PDE10A: variants seen among roughly 807,000 people sequenced by gnomAD.
The protein encoded by PDE10A is phosphodiesterase 10A, also known as cAMP and cAMP-inhibited cGMP 3',5'-cyclic phosphodiesterase 10A.
In PDE10A, 39 loss-of-function variants were observed where a neutral mutation model predicts 97.7. That is an observed-to-expected ratio of 0.40 (90% CI 0.31 to 0.52). The LOEUF is 0.52. PDE10A is among the 20% of genes least tolerant of loss of function. The pLI, the probability that PDE10A is intolerant of heterozygous loss-of-function variation, is 0.56. For synonymous variants in PDE10A, 371 were observed against 376.8 expected, an observed-to-expected ratio of 0.98 and a Z score of 0.18; for missense variants, 731 against 1,047.8, an observed-to-expected ratio of 0.70 and a Z score of 4.17.
chr6:165,560,665 C>G (rs1784475260), intron 1 of PDE10A, among the ~76,000 whole-genome samples: 1 of 152,226 alleles, frequency 6.6e-6, no homozygotes, highest in South Asian at 2.1e-4. Flanking sequence ...ATTTTCCAAA[C>G]TATGTCACCC....
At chr6:165,893,032 G>A (rs1414128555) in intron 1 of PDE10A, among the ~76,000 whole-genome samples, 1 of 152,166 alleles carries the variant, frequency 6.6e-6, no homozygotes. Context: ...TAGGATTTAA[G>A]CTTTTATGGG....
intron 1 of PDE10A, among the ~76,000 whole-genome samples, chr6:165,629,521 C>T (rs1034324410): frequency 9.9e-5 from 13 of 131,686 alleles, no homozygotes; most frequent in Admixed American, 2.4e-4. Flanking sequence ...TATTAACAAC[C>T]TTTTTTTTTT....
intron 2 of PDE10A, among the ~76,000 whole-genome samples, chr6:165,527,146 A>C (rs1412854350): frequency 2.6e-5 from 4 of 152,198 alleles, no homozygotes; most frequent in Non-Finnish European, 5.9e-5. Flanking sequence ...ATTCCCTCTA[A>C]GGTGAAGAAT....
chr6:165,582,871 C>T (rs1179200873), intron 1 of PDE10A, among the ~76,000 whole-genome samples: 1 of 152,026 alleles, frequency 6.6e-6, no homozygotes, highest in Admixed American at 6.5e-5. Context: ...TCATTCTCAC[C>T]AGATTTCTCC....
chr6:165,781,895 G>A (rs1778349970), intron 1 of PDE10A: 1 of 152,216 alleles, frequency 6.6e-6, no homozygotes, highest in South Asian at 2.1e-4. Context: ...AGCCCAGTGA[G>A]ACTTGTGTTG....
intron 5 of PDE10A, among the ~76,000 whole-genome samples, chr6:165,440,265 A>T (rs1790342437): frequency 6.6e-6 from 1 of 152,240 alleles, no homozygotes; most frequent in Admixed American, 6.5e-5. Context: ...TGAAGAAGGC[A>T]AACAATTACT....
chr6:165,715,634 G>A (rs760804344), intron 1 of PDE10A, among the ~76,000 whole-genome samples: 2 of 152,154 alleles, frequency 1.3e-5, no homozygotes, highest in Non-Finnish European at 2.9e-5. Context: ...GTGAACACAC[G>A]TGCGCACACA....
intron 1 of PDE10A, among the ~76,000 whole-genome samples, chr6:165,794,056 C>T (rs751396838): frequency 1.3e-5 from 2 of 152,080 alleles, no homozygotes; most frequent in Non-Finnish European, 2.9e-5. Flanking sequence ...AAAGTCGAGC[C>T]GTTTGACTGC....
chr6:165,521,038 T>G (rs1456448672), intron 2 of PDE10A, among the ~76,000 whole-genome samples: 1 of 152,156 alleles, frequency 6.6e-6, no homozygotes, highest in Non-Finnish European at 1.5e-5. Context: ...ATCAGCACCA[T>G]TTTTCCAACA....
chr6:165,459,444 C>T (rs1778160718), intron 3 of PDE10A, among the ~76,000 whole-genome samples: 1 of 151,574 alleles, frequency 6.6e-6, no homozygotes, highest in Admixed American at 6.6e-5. Flanking sequence ...ATTTAAAATC[C>T]AAGAGTTGAA....
chr6:165,926,425 C>T (rs868114943), intron 1 of PDE10A, among the ~76,000 whole-genome samples: 1 of 152,138 alleles, frequency 6.6e-6, no homozygotes, highest in South Asian at 2.1e-4. Flanking sequence ...TATTTGTGTC[C>T]ATGTCTAAAT....
intron 1 of PDE10A, among the ~76,000 whole-genome samples, chr6:165,901,908 A>G (rs1364879747): frequency 6.6e-6 from 1 of 152,182 alleles, no homozygotes; most frequent in Non-Finnish European, 1.5e-5. Flanking sequence ...AACAGACATT[A>G]GCTGATCTGA....
At chr6:165,440,646 T>C (rs570904326) in intron 5 of PDE10A, among the ~76,000 whole-genome samples, 1 of 151,906 alleles carries the variant, frequency 6.6e-6, no homozygotes, top group South Asian at 2.1e-4. Flanking sequence ...AAGATTAGAT[T>C]AAATAATTTG....
In PDE10A at chr6:165,493,372, T is replaced by C. The variant is rs183766280; in HGVS notation, c.995-11029A>G. ...CTATGGAACCAAAAAAGAGCCTGCA[T>C]AGCCAAAGAAAGGCTAAGCAAAAAG... is the stretch of plus-strand genomic sequence containing the variant. On this transcript the variant is annotated intron_variant, in intron 2 of 21. Coordinates refer to ENST00000539869, the MANE Select transcript of PDE10A (RefSeq NM_001385079.1). Among the ~76,000 whole-genome samples, 352 of 152,268 alleles carry C rather than the reference T, an allele frequency of 2.3e-3. 2 individuals are homozygous for C. Among genetic ancestry groups the C allele is most frequent in the African/African-American group, 8.0e-3 (334 of 41,552 alleles).
intron 1 of PDE10A, among the ~76,000 whole-genome samples, chr6:165,632,344 T>A (rs1024057766): frequency 6.6e-6 from 1 of 152,108 alleles, no homozygotes; most frequent in Non-Finnish European, 1.5e-5. Context: ...TTCAAGCTGT[T>A]AAGAAAGCTC....
rs57361259 is a variant in PDE10A at position 165,819,640 on chromosome 6, C to T, written c.-615+167889G>A. Among the ~76,000 whole-genome samples the T allele has an allele frequency of 0.05, 7,632 of 152,218 alleles. 627 individuals carry two copies. Among genetic ancestry groups the T allele is most frequent in the African/African-American group, 0.17 (7,206 of 41,492 alleles). On this transcript the variant is annotated intron_variant, in intron 1 of 19. Coordinates refer to the PDE10A transcript ENST00000366882. The surrounding 1 kb of genome is among the most constrained non-coding windows in gnomAD (Gnocchi z 4.2). ...AGCCGGTTGCTCCTCCCCTGGTTTC[C>T]GTGGTGTTTGACCGAAACCTTTGCC...
intron 3 of PDE10A, among the ~76,000 whole-genome samples, chr6:165,470,680 T>C (rs1053388347): frequency 5.3e-5 from 8 of 152,204 alleles, no homozygotes; most frequent in Non-Finnish European, 1.0e-4. Context: ...TCAAATGATA[T>C]AGAAAGAAGA....
chr6:165,932,007 G>A (rs1324124307), intron 1 of PDE10A, among the ~76,000 whole-genome samples: 1 of 152,194 alleles, frequency 6.6e-6, no homozygotes, highest in African/African-American at 2.4e-5. Context: ...GTGAGTGGAG[G>A]CACAGCACAG....
At chr6:165,940,095 G>A (rs2293182) in intron 1 of PDE10A, 11,853 of 152,264 alleles carry the variant, frequency 0.078, 644 homozygotes, top group East Asian at 0.28. Context: ...CTTTAAATTG[G>A]AGCGTCCCCA....
Sources: allele counts gnomAD v4.1 joint callset (sites outside exome capture counted in the v4.1 genomes callset), GRCh38; gene constraint gnomAD v4.1.1; non-coding constraint Gnocchi (gnomAD v3.1); transcripts MANE v1.5; gene names NCBI Gene and HGNC (gene_info 2026-07-23, HGNC 2026-07-21).